The following OSBPL1A variants were observed in gnomAD, a reference collection of about 807,000 sequenced individuals.
OSBPL1A encodes oxysterol binding protein like 1A.
Under a neutral mutation model 137.1 loss-of-function variants are expected in OSBPL1A, and 80 were observed. The observed-to-expected ratio is 0.58, with a 90% CI of 0.49 to 0.70. The LOEUF is 0.70. Among genes scored for constraint, OSBPL1A ranks in the 30% least tolerant of loss-of-function variants. The probability of loss-of-function intolerance (pLI) is 0.00; values close to 1 mark genes in which losing one functional copy is unlikely to be tolerated. For synonymous variants in OSBPL1A, 365 were observed against 389.7 expected, an observed-to-expected ratio of 0.94 and a Z score of 0.75; for missense variants, 970 against 1,129.4, an observed-to-expected ratio of 0.86 and a Z score of 2.02.
intron 11 of OSBPL1A, among the ~76,000 whole-genome samples, chr18:24,316,574 C>T (rs1408443512): frequency 6.6e-6 from 1 of 151,770 alleles, no homozygotes; most frequent in Non-Finnish European, 1.5e-5. Context: ...ATAAAGAGGG[C>T]CACAAAACAA....
intron 12 of OSBPL1A, 91 bp from the exon 13 acceptor site, chr18:24,312,197 C>T (rs2090631790): frequency 2.0e-6 from 3 of 1,470,174 alleles, no homozygotes; most frequent in Non-Finnish European, 2.8e-6. Context: ...TAAAATTTAC[C>T]TAGTGAAATA....
chr18:24,273,834 T>C (rs916041035), intron 15 of OSBPL1A, among the ~76,000 whole-genome samples: 1 of 152,108 alleles, frequency 6.6e-6, no homozygotes, highest in African/African-American at 2.4e-5. Context: ...GTTACAGTCA[T>C]CCAACAGAGC....
At chr18:24,173,676 G>C (rs1273586624) in intron 21 of OSBPL1A, among the ~76,000 whole-genome samples, 1 of 152,212 alleles carries the variant, frequency 6.6e-6, no homozygotes, top group East Asian at 1.9e-4. Flanking sequence ...GCCTCCCAAA[G>C]TGCTGGGATT....
intron 1 of OSBPL1A, among the ~76,000 whole-genome samples, chr18:24,396,026 C>T (rs1451179168): frequency 1.3e-5 from 2 of 151,044 alleles, no homozygotes. Flanking sequence ...CGAGACCAGC[C>T]TGAACAACAT....
rs537790058 is a variant in OSBPL1A at position 24,253,673 on chromosome 18, T to C, written c.1282-14291A>G. 2.0e-5 allele frequency among the ~76,000 whole-genome samples: 3 copies of C among 152,266 alleles called. No homozygotes were observed. The South Asian group carries it at 6.2e-4, about 32-fold the overall frequency. On this transcript the variant is annotated intron_variant, in intron 15 of 27. Transcript: ENST00000319481. ...GGTCAGGTTGAAGATGGAATCATAG[T>C]GGGTTCAAGTGAGGTTTTCTTGCTG...
intron 16 of OSBPL1A, among the ~76,000 whole-genome samples, chr18:24,234,519 G>A (rs1194239591): frequency 6.8e-6 from 1 of 147,900 alleles, no homozygotes; most frequent in Admixed American, 6.7e-5. Flanking sequence ...TTTCTCAAGC[G>A]ATCCCAGGGG....
At chr18:24,292,116 AAATTGC>A (rs1287360981) in intron 14 of OSBPL1A, among the ~76,000 whole-genome samples, 1 of 152,072 alleles carries the variant, frequency 6.6e-6, no homozygotes, top group African/African-American at 2.4e-5. Context: ...AAGTCAGAAT[AAATTGC>A]AATTGCATCT....
chr18:24,276,114 C>T (rs2089841330), intron 15 of OSBPL1A, among the ~76,000 whole-genome samples: 1 of 152,098 alleles, frequency 6.6e-6, no homozygotes, highest in Non-Finnish European at 1.5e-5. Context: ...GATAAGTGAG[C>T]TTCTACTGAC....
intron 1 of OSBPL1A, among the ~76,000 whole-genome samples, chr18:24,389,804 T>G (rs1907195195): frequency 6.6e-6 from 1 of 152,012 alleles, no homozygotes; most frequent in Non-Finnish European, 1.5e-5. Flanking sequence ...TAGCCAGGTA[T>G]GGTGGTGCAT....
rs376003068 is a variant in OSBPL1A at position 24,178,024 on chromosome 18, C to T, written c.2082G>A (p.Leu694=). ...VEAEPKGTIT[L]ELLEHNEAYT... ...TGATCAGAACTCACTCAAGGAGCTCCAAGGTGATGGTTCCTTTGGGTTCTG... is the reference window on the plus strand; with the variant it reads ...TGATCAGAACTCACTCAAGGAGCTCTAAGGTGATGGTTCCTTTGGGTTCTG... Residue 694 remains leucine, a synonymous_variant, in exon 21 of 28, where the codon TTG becomes TTA. Coordinates refer to ENST00000319481, the MANE Select transcript of OSBPL1A (RefSeq NM_080597.4). The T allele has an allele frequency of 6.3e-5, 101 of 1,613,520 alleles. No homozygotes were observed. The highest frequency in any genetic ancestry group is 8.1e-5 in the Non-Finnish European group (96 of 1,179,786).
rs1222120310 is a variant in OSBPL1A, at chr18:24,387,824, C to A, written c.-3+9831G>T. Among the ~76,000 whole-genome samples the A allele has an allele frequency of 4.0e-5, 6 of 151,500 alleles. No individual in the cohort carries two copies. The Admixed American group carries it at 4.0e-4, about 10-fold the overall frequency. ...TGCCCATGAGTATCTGAAACCTTAA[C>A]CCTTAGGTGAACATTCAGGTAGTTA... is the stretch of plus-strand genomic sequence containing the variant. On this transcript the variant is annotated intron_variant, in intron 1 of 27. Coordinates refer to ENST00000319481, the MANE Select transcript of OSBPL1A (RefSeq NM_080597.4).
intron 15 of OSBPL1A, among the ~76,000 whole-genome samples, chr18:24,256,075 G>C (rs547330422): frequency 6.6e-6 from 1 of 152,160 alleles, no homozygotes; most frequent in East Asian, 1.9e-4. Flanking sequence ...GATTACAGGC[G>C]TGAGCTACCA....
At chr18:24,209,933 T>C (rs1251985997) in intron 17 of OSBPL1A, among the ~76,000 whole-genome samples, 2 of 152,190 alleles carry the variant, frequency 1.3e-5, no homozygotes, top group Non-Finnish European at 2.9e-5. Context: ...ACATCTTGAA[T>C]GGGATGTTAG....
intron 14 of OSBPL1A, among the ~76,000 whole-genome samples, chr18:24,292,736 G>C (rs2090198327): frequency 6.6e-6 from 1 of 152,152 alleles, no homozygotes; most frequent in Non-Finnish European, 1.5e-5. Context: ...GGGGTAACAA[G>C]TGCTGAGGGG....
chr18:24,393,477 G>A (rs1245267603), intron 1 of OSBPL1A, among the ~76,000 whole-genome samples: 2 of 151,956 alleles, frequency 1.3e-5, no homozygotes, highest in African/African-American at 4.8e-5. Context: ...TTTTGAGACG[G>A]AGTCTCGCTC....
chr18:24,196,023 C>T (rs569645570), intron 18 of OSBPL1A, 102 bp downstream of exon 18: 36 of 888,216 alleles, frequency 4.1e-5, no homozygotes, highest in Middle Eastern at 3.3e-4. Flanking sequence ...TTCCCATAAA[C>T]GTTGTCGTGC....
At chr18:24,272,319 C>T (rs1211455442) in intron 15 of OSBPL1A, 3 of 973,122 alleles carry the variant, frequency 3.1e-6, no homozygotes, top group African/African-American at 1.8e-5. Context: ...AATCTTCTCT[C>T]CAGTCCTGCC....
intron 4 of OSBPL1A, among the ~76,000 whole-genome samples, chr18:24,360,377 A>G (rs186479548): frequency 1.3e-5 from 2 of 152,390 alleles, no homozygotes; most frequent in Admixed American, 6.5e-5. Context: ...TCACAGGATC[A>G]TAAGATATTT....
intron 5 of OSBPL1A, among the ~76,000 whole-genome samples, chr18:24,337,410 A>ATAACG (rs2091194529): frequency 6.6e-6 from 1 of 151,754 alleles, no homozygotes; most frequent in African/African-American, 2.4e-5. Flanking sequence ...ATAACATAAC[A>ATAACG]TAACATAACA....
Sources: allele counts gnomAD v4.1 joint callset (sites outside exome capture counted in the v4.1 genomes callset), GRCh38; gene constraint gnomAD v4.1.1; transcripts MANE v1.5; gene names NCBI Gene and HGNC (gene_info 2026-07-23, HGNC 2026-07-21).